Variants in ASAP1 observed in about 807,000 individuals in gnomAD.
The protein encoded by ASAP1 is ArfGAP with SH3 domain, ankyrin repeat and PH domain 1.
In ASAP1, 43 loss-of-function variants were observed where a neutral mutation model predicts 145.2. The ratio of observed to expected loss-of-function variants is 0.30; its 90% CI spans 0.23 to 0.38. ASAP1 has a LOEUF of 0.38. ASAP1 is among the 10% of genes least tolerant of loss of function. The probability of loss-of-function intolerance (pLI) is 1.00; values close to 1 mark genes in which losing one functional copy is unlikely to be tolerated. For synonymous variants in ASAP1, 546 were observed against 515.5 expected (o/e 1.06, Z -0.80); for missense variants, 1,018 against 1,355.3 (o/e 0.75, Z 3.91).
intron 3 of ASAP1, among the ~76,000 whole-genome samples, chr8:130,353,648 T>C (rs571084513): frequency 6.6e-6 from 1 of 152,300 alleles, no homozygotes; most frequent in East Asian, 1.9e-4. Context: ...GGCAGGCAGA[T>C]CACTTGAGGT....
At chr8:130,281,416 T>C (rs971261533) in intron 3 of ASAP1, among the ~76,000 whole-genome samples, 2 of 152,192 alleles carry the variant, frequency 1.3e-5, no homozygotes, top group Non-Finnish European at 2.9e-5. Context: ...GAAAACTTAC[T>C]ACTGGGAGAG....
intron 2 of ASAP1, among the ~76,000 whole-genome samples, chr8:130,378,484 G>GC (rs1827607861): frequency 6.6e-6 from 1 of 152,228 alleles, no homozygotes; most frequent in African/African-American, 2.4e-5. Flanking sequence ...GTGCACGGAG[G>GC]CTTGACACGC....
intron 29 of ASAP1, among the ~76,000 whole-genome samples, chr8:130,055,706 T>G (rs190641200): frequency 3.4e-4 from 52 of 152,312 alleles, no homozygotes; most frequent in African/African-American, 1.2e-3. Context: ...TCAATTAGAT[T>G]AGTATTGATT....
At chr8:130,362,647 G>A (rs775356503) in intron 2 of ASAP1, among the ~76,000 whole-genome samples, 3 of 152,108 alleles carry the variant, frequency 2.0e-5, no homozygotes, top group East Asian at 1.9e-4. Flanking sequence ...AAGAGGGAGC[G>A]GGGAAGGCTG....
chr8:130,317,944 C>T (rs894896311), intron 3 of ASAP1, among the ~76,000 whole-genome samples: 1 of 152,144 alleles, frequency 6.6e-6, no homozygotes, highest in Non-Finnish European at 1.5e-5. Flanking sequence ...GTTGCTGCAC[C>T]ATTAGTCACT....
At chr8:130,170,772 C>T (rs1055570067) in intron 9 of ASAP1, among the ~76,000 whole-genome samples, 13 of 152,184 alleles carry the variant, frequency 8.5e-5, no homozygotes, top group Admixed American at 6.5e-4. Flanking sequence ...CTCTGTCACC[C>T]ACACTGGAGT....
In ASAP1 at chr8:130,341,218, C is replaced by T. The variant is rs530327495; in HGVS notation, c.186+16799G>A. Among the ~76,000 whole-genome samples the T allele has an allele frequency of 2.6e-5, 4 of 152,234 alleles. No homozygotes were observed. The East Asian group carries it at 7.8e-4, about 30-fold the overall frequency. ...GCTTGCCTGGATGGGTGCAGGGCGC[C>T]AGGAAGGCCACCCTGTTCTCAAAAA... On this transcript the variant is annotated intron_variant, in intron 3 of 29. Transcript: ENST00000518721.
At chr8:130,352,211 G>GTT (rs1826035366) in intron 3 of ASAP1, among the ~76,000 whole-genome samples, 5 of 115,962 alleles carry the variant, frequency 4.3e-5, no homozygotes, top group Non-Finnish European at 8.9e-5. Flanking sequence ...CCTTCCTAAG[G>GTT]GTTTTTTTTT....
At chr8:130,394,475 A>C (rs1828432603) in intron 2 of ASAP1, among the ~76,000 whole-genome samples, 1 of 152,194 alleles carries the variant, frequency 6.6e-6, no homozygotes, top group Admixed American at 6.5e-5. Flanking sequence ...ATGGTGCCCA[A>C]AACTTTATTA....
rs1054720327 is a variant in ASAP1 at position 130,152,581 on chromosome 8, A to G, written c.1080+155T>C. On this transcript the variant is annotated intron_variant, in intron 13 of 29. Transcript: ENST00000518721. ...AGAATGGTGCAGACTACCACAGGAC[A>G]AGATAAAACTTTTTTTTTTTTTTTT... 15 of 524,318 alleles carry G rather than the reference A, an allele frequency of 2.9e-5. No individual in the cohort carries two copies. In the South Asian group the frequency reaches 4.1e-4, roughly 14 times the overall value. The allele number at this position is 524,318 out of a possible 1,614,324, so 32.5% of individuals were successfully genotyped here.
At chr8:130,421,231 G>A (rs1829707002) in intron 1 of ASAP1, among the ~76,000 whole-genome samples, 1 of 152,196 alleles carries the variant, frequency 6.6e-6, no homozygotes, top group Non-Finnish European at 1.5e-5. Flanking sequence ...AGTTGGGAGG[G>A]ACTTTGGATC....
At chr8:130,064,324 C>A (rs2097425573) in intron 27 of ASAP1, among the ~76,000 whole-genome samples, 2 of 152,074 alleles carry the variant, frequency 1.3e-5, no homozygotes, top group African/African-American at 4.8e-5. Flanking sequence ...GGGGAAGAAA[C>A]AGTATTTGTA....
At chr8:130,061,897 A>C (rs925244035) in intron 27 of ASAP1, among the ~76,000 whole-genome samples, 1 of 152,222 alleles carries the variant, frequency 6.6e-6, no homozygotes, top group African/African-American at 2.4e-5. Flanking sequence ...GGTACTTAGA[A>C]AACTATGGAC....
Position 130,128,097 on chromosome 8 carries a change from G to A in ASAP1, c.1218-7C>T, listed in dbSNP as rs376751216. 1 of 1,341,842 alleles carries A rather than the reference G, an allele frequency of 7.5e-7. No individual in the cohort carries two copies. Among genetic ancestry groups the A allele is most frequent in the African/African-American group, 1.6e-5 (1 of 62,830 alleles). The allele number at this position is 1,341,842 out of a possible 1,614,324, so 83.1% of individuals were successfully genotyped here. ...TGTCAATACTGATATCCATCTGTTG[G>A]TAAAAACATAAGAGGAAAAAAGTCT... On this transcript the variant is annotated splice_region_variant and splice_polypyrimidine_tract_variant and intron_variant, in intron 15 of 29. Transcript: ENST00000518721.
intron 3 of ASAP1, among the ~76,000 whole-genome samples, chr8:130,338,118 T>C (rs1157774297): frequency 6.6e-6 from 1 of 152,200 alleles, no homozygotes; most frequent in African/African-American, 2.4e-5. Context: ...TGTGATGCTT[T>C]ACATGCATTC....
chr8:130,364,635 A>G lies in ASAP1; in HGVS notation c.60-6492T>C, dbSNP rs373209987. Among the ~76,000 whole-genome samples, 99 of 152,310 alleles carry G rather than the reference A, an allele frequency of 6.5e-4. 2 individuals carry two copies. The South Asian group carries it at 0.019, about 29-fold the overall frequency. Reference sequence around the variant, plus strand: ...TTCTGGGGAACTCATTACAAGCCCAATTCAAATGCAAGCTTGACTGGTCTA... The same window carrying G: ...TTCTGGGGAACTCATTACAAGCCCAGTTCAAATGCAAGCTTGACTGGTCTA... On this transcript the variant is annotated intron_variant, in intron 2 of 29. Transcript: ENST00000518721.
At chr8:130,223,369 A>G (rs1040954732) in intron 4 of ASAP1, among the ~76,000 whole-genome samples, 2 of 152,190 alleles carry the variant, frequency 1.3e-5, no homozygotes, top group African/African-American at 4.8e-5. Context: ...CCTCAACTTC[A>G]TACGTGAAAT....
intron 4 of ASAP1, among the ~76,000 whole-genome samples, chr8:130,222,014 T>C (rs542597952): frequency 7.2e-4 from 109 of 152,308 alleles, no homozygotes; most frequent in Middle Eastern, 6.8e-3. Context: ...CCATACCAAC[T>C]ATCCATCCTT....
chr8:130,148,670 T>C (rs1017820222), intron 13 of ASAP1, among the ~76,000 whole-genome samples: 2 of 152,252 alleles, frequency 1.3e-5, no homozygotes, highest in African/African-American at 2.4e-5. Flanking sequence ...TCAAGATTAC[T>C]ACAATAAATA....
Sources: gnomAD v4.1 joint callset for allele counts (sites outside exome capture counted in the v4.1 genomes callset) on GRCh38, gnomAD v4.1.1 for gene constraint, MANE v1.5 for transcripts, NCBI Gene and HGNC (gene_info 2026-07-23, HGNC 2026-07-21) for gene names.